ATP11B: variants seen among roughly 807,000 people sequenced by gnomAD.
The protein encoded by ATP11B is phospholipid-transporting ATPase IF.
ATP11B carries 81 observed loss-of-function variants against 157.8 expected under a neutral mutation model. That is an observed-to-expected ratio of 0.51 (90% CI 0.43 to 0.62). The LOEUF (loss-of-function observed/expected upper bound fraction) is 0.62. Among genes scored for constraint, ATP11B ranks in the 20% least tolerant of loss-of-function variants. The pLI is 0.00. For missense variants in ATP11B, 1,165 were observed against 1,402.2 expected (o/e 0.83, Z 2.70); for synonymous variants, 451 against 469.4 (o/e 0.96, Z 0.51).
intron 18 of ATP11B, 53 bp from the exon 19 acceptor site, chr3:182,873,759 A>C: frequency 6.9e-7 from 1 of 1,454,548 alleles, no homozygotes; most frequent in East Asian, 2.3e-5. Context: ...GTTTAACTTA[A>C]AATACAGTCA....
chr3:182,871,564 C>A (rs1003131049), intron 17 of ATP11B, among the ~76,000 whole-genome samples: 1 of 152,094 alleles, frequency 6.6e-6, no homozygotes, highest in Non-Finnish European at 1.5e-5. Flanking sequence ...TAAATTTTGT[C>A]ATGCAATGAA....
intron 15 of ATP11B, among the ~76,000 whole-genome samples, 161 bp downstream of exon 15, chr3:182,867,605 A>T (rs1334255967): frequency 2.8e-5 from 3 of 107,502 alleles, no homozygotes; most frequent in African/African-American, 1.0e-4. Flanking sequence ...TTTTTTTGAG[A>T]CAGAATCTTG....
chr3:182,821,340 C>G (rs1717331364), intron 2 of ATP11B, among the ~76,000 whole-genome samples: 1 of 152,070 alleles, frequency 6.6e-6, no homozygotes, highest in Non-Finnish European at 1.5e-5. Flanking sequence ...AACTCCAGAC[C>G]TCATGATCCA....
intron 12 of ATP11B, among the ~76,000 whole-genome samples, chr3:182,861,619 C>G (rs9830602): frequency 8.3e-4 from 126 of 152,216 alleles, no homozygotes; most frequent in Non-Finnish European, 1.6e-3. Context: ...ACTGAGATAG[C>G]TAGTAACTGA....
At chr3:182,822,794 T>C (rs1159780334) in intron 2 of ATP11B, among the ~76,000 whole-genome samples, 1 of 152,224 alleles carries the variant, frequency 6.6e-6, no homozygotes, top group Non-Finnish European at 1.5e-5. Flanking sequence ...TTCCTGACTT[T>C]TTAATGATCG....
intron 25 of ATP11B, among the ~76,000 whole-genome samples, chr3:182,894,395 A>G (rs541318329): frequency 6.6e-6 from 1 of 152,270 alleles, no homozygotes; most frequent in African/African-American, 2.4e-5. Flanking sequence ...TATGTTGGTA[A>G]GGCTGGTCAC....
chr3:182,887,615 A>G lies in ATP11B; in HGVS notation c.2745A>G (p.Leu915=). 1 of 1,612,578 alleles carries G rather than the reference A, an allele frequency of 6.2e-7. No individual in the cohort carries two copies. The highest frequency in any genetic ancestry group is 8.5e-7 in the Non-Finnish European group (1 of 1,179,478). Residue 915 remains leucine (L), a synonymous_variant, in exon 24 of 30, where the codon TTA becomes TTG. Transcript: ENST00000323116. ...TGTATGACAGCGTGTACCTGACTTT[A>G]TACAATATTTGTTTTACTTCCCTAC... ...QTLYDSVYLT[L]YNICFTSLPI... is the part of the protein sequence containing the mutation.
intron 21 of ATP11B, among the ~76,000 whole-genome samples, chr3:182,881,350 C>T (rs933018498): frequency 2.0e-5 from 3 of 151,932 alleles, no homozygotes; most frequent in Non-Finnish European, 2.9e-5. Context: ...AGGAGAATTG[C>T]TTGAACCCGG....
chr3:182,892,389 G>A (rs1723237770), intron 25 of ATP11B, among the ~76,000 whole-genome samples: 1 of 152,134 alleles, frequency 6.6e-6, no homozygotes, highest in Non-Finnish European at 1.5e-5. Context: ...GCATGCCCAA[G>A]TTATCAGTAA....
At chr3:182,847,751 A>G (rs1278628745) in intron 9 of ATP11B, among the ~76,000 whole-genome samples, 1 of 152,092 alleles carries the variant, frequency 6.6e-6, no homozygotes, top group Non-Finnish European at 1.5e-5. Flanking sequence ...ATTTTTTCCC[A>G]TTTAAAGATG....
At chr3:182,845,009 T>TTTTTTA (rs1719379723) in intron 8 of ATP11B, among the ~76,000 whole-genome samples, 14 of 112,086 alleles carry the variant, frequency 1.2e-4, no homozygotes, top group East Asian at 4.5e-4. Flanking sequence ...TTTTTTTATT[T>TTTTTTA]TTTTTTATTT....
intron 12 of ATP11B, among the ~76,000 whole-genome samples, chr3:182,864,784 G>T (rs1226939851): frequency 2.0e-5 from 3 of 152,022 alleles, no homozygotes; most frequent in Non-Finnish European, 4.4e-5. Context: ...ATCCTGGTTG[G>T]ATCAAGACTT....
At chr3:182,798,178 G>A (rs1033376493) in intron 1 of ATP11B, among the ~76,000 whole-genome samples, 3 of 152,174 alleles carry the variant, frequency 2.0e-5, no homozygotes, top group African/African-American at 7.2e-5. Context: ...CATTGTGGAA[G>A]TCTAGATATC....
intron 28 of ATP11B, among the ~76,000 whole-genome samples, chr3:182,905,611 G>A (rs1724289840): frequency 6.6e-6 from 1 of 152,208 alleles, no homozygotes; most frequent in Non-Finnish European, 1.5e-5. Context: ...TTTATTTTGT[G>A]TGCTTGTGTT....
chr3:182,902,131 A>G (rs1359560331), intron 28 of ATP11B, among the ~76,000 whole-genome samples: 1 of 152,110 alleles, frequency 6.6e-6, no homozygotes, highest in Non-Finnish European at 1.5e-5. Flanking sequence ...TTTTAGCTTT[A>G]TGTCATTCCT....
intron 27 of ATP11B, among the ~76,000 whole-genome samples, chr3:182,898,013 A>T (rs1723674493): frequency 6.6e-6 from 1 of 152,030 alleles, no homozygotes; most frequent in Admixed American, 6.5e-5. Context: ...CATTTATCAG[A>T]CAAAAAAAAG....
At chr3:182,867,618 C>T (rs1301224871) in intron 15 of ATP11B, among the ~76,000 whole-genome samples, 174 bp downstream of exon 15, 1 of 131,170 alleles carries the variant, frequency 7.6e-6, no homozygotes, top group Non-Finnish European at 1.6e-5. Flanking sequence ...GAATCTTGCT[C>T]TGTCACCCAG....
intron 1 of ATP11B, among the ~76,000 whole-genome samples, chr3:182,818,646 G>A (rs373251448): frequency 3.3e-5 from 5 of 152,120 alleles, no homozygotes; most frequent in Admixed American, 6.6e-5. Flanking sequence ...GTTGAATACC[G>A]TACATAACAC....
intron 2 of ATP11B, among the ~76,000 whole-genome samples, chr3:182,821,896 T>A (rs190851927): frequency 2.4e-4 from 36 of 152,332 alleles, no homozygotes; most frequent in African/African-American, 7.2e-4. Flanking sequence ...AACTAACATC[T>A]TTTCTCTAAT....
Sources: allele counts gnomAD v4.1 joint callset (sites outside exome capture counted in the v4.1 genomes callset), GRCh38; gene constraint gnomAD v4.1.1; transcripts MANE v1.5; gene names NCBI Gene and HGNC (gene_info 2026-07-23, HGNC 2026-07-21).